ADGRV1: variants seen among roughly 807,000 people sequenced by gnomAD.
The protein encoded by ADGRV1 is G-protein coupled receptor 98.
A neutral mutation model predicts 596.2 loss-of-function variants in ADGRV1; 359 were observed. The observed-to-expected ratio is 0.60, with a 90% confidence interval of 0.55 to 0.66. The LOEUF is 0.66. ADGRV1 is among the 30% of genes least tolerant of loss of function. ADGRV1 has a pLI of 0.00. For missense variants in ADGRV1, 7,274 were observed against 7,575.6 expected, an observed-to-expected ratio of 0.96 and a Z score of 1.48; for synonymous variants, 2,681 against 2,679.2, an observed-to-expected ratio of 1.00 and a Z score of -0.02.
At chr5:90,911,468 TTTG>T (rs2150692113) in intron 83 of ADGRV1, among the ~76,000 whole-genome samples, 1 of 152,320 alleles carries the variant, frequency 6.6e-6, no homozygotes, top group East Asian at 1.9e-4. Flanking sequence ...GTGATTTAGA[TTTG>T]TTTTCTTAAT....
At chr5:90,595,750 C>T (rs1243368742) in intron 1 of ADGRV1, among the ~76,000 whole-genome samples, 17 of 127,826 alleles carry the variant, frequency 1.3e-4, no homozygotes, top group East Asian at 7.8e-4. Context: ...GCAGAGGCGC[C>T]CCTCACCTCC....
intron 83 of ADGRV1, chr5:90,929,785 A>AC (rs1207801211): frequency 1.3e-5 from 2 of 152,240 alleles, no homozygotes; most frequent in African/African-American, 4.8e-5. Context: ...ATTAGTTGGT[A>AC]CAGTATGGAT....
chr5:90,837,932 T>G (rs887635177), intron 77 of ADGRV1, among the ~76,000 whole-genome samples: 3 of 152,160 alleles, frequency 2.0e-5, no homozygotes, highest in Non-Finnish European at 4.4e-5. Flanking sequence ...TTGAATTTTA[T>G]GTTAAATTAT....
chr5:90,933,659 T>A (rs762874497), intron 83 of ADGRV1, among the ~76,000 whole-genome samples: 1 of 152,150 alleles, frequency 6.6e-6, no homozygotes, highest in Non-Finnish European at 1.5e-5. Flanking sequence ...TTGAGTTGAT[T>A]TGGTATTCAA....
At chr5:90,936,832 C>G (rs1389230267) in intron 83 of ADGRV1, among the ~76,000 whole-genome samples, 1 of 151,936 alleles carries the variant, frequency 6.6e-6, no homozygotes. Flanking sequence ...GGTTTTTTTG[C>G]TACTTTTTAA....
At chr5:90,887,919 A>C (rs548135420) in intron 83 of ADGRV1, among the ~76,000 whole-genome samples, 1 of 152,244 alleles carries the variant, frequency 6.6e-6, no homozygotes, top group East Asian at 1.9e-4. Context: ...CACAGTAACT[A>C]ATTTTTTTTC....
chr5:90,850,022 C>G (rs1766319940), intron 79 of ADGRV1, among the ~76,000 whole-genome samples: 1 of 152,120 alleles, frequency 6.6e-6, no homozygotes, highest in South Asian at 2.1e-4. Context: ...GACACTAAGG[C>G]TAGAAATCTT....
At chr5:90,722,969 A>G (rs1176490268) in intron 45 of ADGRV1, among the ~76,000 whole-genome samples, 3 of 152,092 alleles carry the variant, frequency 2.0e-5, no homozygotes, top group African/African-American at 7.2e-5. Flanking sequence ...TAGGAAACTC[A>G]GGAGAAAACA....
chr5:90,779,011 T>C lies in ADGRV1; in HGVS notation c.12996T>C (p.Ser4332=). The C allele has an allele frequency of 6.2e-7, 1 of 1,613,344 alleles. No homozygotes were observed. Among genetic ancestry groups the C allele is most frequent in the Non-Finnish European group, 8.5e-7 (1 of 1,179,500 alleles). The change falls in exon 64 of 90, where the codon AGT becomes AGC. Residue 4332 remains serine, a synonymous_variant. Coordinates refer to ENST00000405460, the MANE Select transcript of ADGRV1 (RefSeq NM_032119.4). Reference sequence around the variant, plus strand: ...TTGAAGCAGGGGAGATGAGGAAAAGTCTGCATGTTGAAATCCTTGATGATG... The same window carrying C: ...TTGAAGCAGGGGAGATGAGGAAAAGCCTGCATGTTGAAATCCTTGATGATG... The part of the protein sequence containing the change: ...LLFEAGEMRK[S]LHVEILDDDY...
At chr5:91,071,878 T>C (rs954310904) in intron 85 of ADGRV1, among the ~76,000 whole-genome samples, 2 of 152,100 alleles carry the variant, frequency 1.3e-5, no homozygotes, top group Admixed American at 6.6e-5. Context: ...GGCTTCACCA[T>C]GTTGGCCAGG....
At chr5:90,942,595 A>C (rs979935709) in intron 83 of ADGRV1, among the ~76,000 whole-genome samples, 5 of 152,156 alleles carry the variant, frequency 3.3e-5, no homozygotes, top group Non-Finnish European at 7.4e-5. Flanking sequence ...CTGGGGCCAG[A>C]GAAGCTACTT....
chr5:91,035,844 G>GTGTATATATATATATATATATAA (rs1444001674), intron 85 of ADGRV1, among the ~76,000 whole-genome samples: 1 of 34,740 alleles, frequency 2.9e-5, no homozygotes, highest in Non-Finnish European at 8.8e-5. Context: ...AAATGAGTGT[G>GTGTATATATATATATATATATAA]TATATATATA....
chr5:90,879,179 C>T (rs1160617005), intron 83 of ADGRV1, among the ~76,000 whole-genome samples: 1 of 152,206 alleles, frequency 6.6e-6, no homozygotes, highest in Non-Finnish European at 1.5e-5. Context: ...GTTCCCCACA[C>T]AGGAGCAGAG....
intron 83 of ADGRV1, among the ~76,000 whole-genome samples, chr5:90,879,260 T>G (rs903859349): frequency 6.6e-6 from 1 of 152,196 alleles, no homozygotes; most frequent in Non-Finnish European, 1.5e-5. Context: ...AGAAAGGCCC[T>G]TATATTCACA....
chr5:90,668,640 G>T (rs1771960611), intron 21 of ADGRV1, among the ~76,000 whole-genome samples: 1 of 151,936 alleles, frequency 6.6e-6, no homozygotes, highest in Admixed American at 6.6e-5. Flanking sequence ...CCTCCCCCTG[G>T]TAGTTTTTTT....
chr5:90,729,461 G>A (rs879853439), intron 49 of ADGRV1, among the ~76,000 whole-genome samples, 181 bp from the exon 50 acceptor site: 25 of 152,158 alleles, frequency 1.6e-4, no homozygotes, highest in Admixed American at 1.0e-3. Flanking sequence ...ATGTATTCCC[G>A]TCATGCAGTA....
intron 83 of ADGRV1, among the ~76,000 whole-genome samples, chr5:90,937,749 G>A (rs1775837075): frequency 6.6e-6 from 1 of 152,092 alleles, no homozygotes; most frequent in Non-Finnish European, 1.5e-5. Context: ...GAGCCACAGC[G>A]CCCGGCCAGT....
rs1580724687 is a variant in ADGRV1 at position 90,683,958 on chromosome 5, G to T, written c.6037G>T (p.Val2013Phe). ...RLKGLMGKVL[V>F]SYATLDDMEK... ...GAAAGGCCTCATGGGAAAAGTCCTT[G>T]TCTCATATGCAACACTAGATGATAT... The change falls in exon 28 of 90, where the codon GTC (valine) becomes TTC (phenylalanine). Residue 2013 changes from valine to phenylalanine, a missense_variant. Coordinates refer to ENST00000405460, the MANE Select transcript of ADGRV1 (RefSeq NM_032119.4). The T allele has an allele frequency of 6.2e-7, 1 of 1,613,848 alleles. No individual in the cohort carries two copies. The highest frequency in any genetic ancestry group is 2.2e-5 in the East Asian group (1 of 44,866).
At chr5:90,924,556 T>C (rs1277491637) in intron 83 of ADGRV1, among the ~76,000 whole-genome samples, 3 of 150,306 alleles carry the variant, frequency 2.0e-5, no homozygotes, top group East Asian at 3.9e-4. Flanking sequence ...GAGTAGGTTG[T>C]GAAAATTTTC....
Sources: gnomAD v4.1 joint callset for allele counts (sites outside exome capture counted in the v4.1 genomes callset) on GRCh38, gnomAD v4.1.1 for gene constraint, MANE v1.5 for transcripts, NCBI Gene and HGNC (gene_info 2026-07-23, HGNC 2026-07-21) for gene names.